LUZP2: variants seen among roughly 807,000 people sequenced by gnomAD.
LUZP2 encodes leucine zipper protein 2.
A neutral mutation model predicts 51.6 loss-of-function variants in LUZP2; 52 were observed. The observed-to-expected ratio is 1.01, with a 90% CI of 0.81 to 1.27. LUZP2 has a LOEUF of 1.27. LUZP2 is among the 50% of genes most tolerant of loss of function. The pLI is 0.00. For missense variants in LUZP2, 436 were observed against 395.4 expected, an observed-to-expected ratio of 1.10 and a Z score of -0.87; for synonymous variants, 154 against 137.3, an observed-to-expected ratio of 1.12 and a Z score of -0.85.
Position 24,723,108 on chromosome 11 carries a change from A to T in LUZP2, c.63-6061A>T, listed in dbSNP as rs1056541570. Among the ~76,000 whole-genome samples the T allele has an allele frequency of 5.9e-5, 9 of 152,302 alleles. No individual in the cohort carries two copies. The South Asian group carries it at 1.9e-3, about 32-fold the overall frequency. On this transcript the variant is annotated intron_variant, in intron 1 of 11. Coordinates refer to ENST00000336930, the MANE Select transcript of LUZP2 (RefSeq NM_001009909.4). ...GAGCATTTTATAAAGGATATATAAA[A>T]ATCACCTTTAGTAACATCCTCCCTT...
intron 1 of LUZP2, among the ~76,000 whole-genome samples, chr11:24,507,682 A>ATT (rs1850183004): frequency 6.9e-6 from 1 of 144,994 alleles, no homozygotes; most frequent in Non-Finnish European, 1.5e-5. Flanking sequence ...GAGGCAAAAA[A>ATT]ACCAAGACCT....
At chr11:24,993,548 T>C (rs11028325) in intron 9 of LUZP2, among the ~76,000 whole-genome samples, 55,674 of 151,972 alleles carry the variant, frequency 0.37, 12,558 homozygotes, top group East Asian at 0.68. Flanking sequence ...ATTAATCATA[T>C]ACACAGTTAG....
At chr11:25,075,892 G>A (rs909958790) in intron 10 of LUZP2, among the ~76,000 whole-genome samples, 10 of 151,994 alleles carry the variant, frequency 6.6e-5, no homozygotes, top group Non-Finnish European at 8.8e-5. Flanking sequence ...AGAATTTTTA[G>A]AGTTTAAAGT....
At chr11:24,632,724 T>G (rs974491111) in intron 1 of LUZP2, among the ~76,000 whole-genome samples, 6 of 152,004 alleles carry the variant, frequency 3.9e-5, no homozygotes, top group Non-Finnish European at 8.8e-5. Flanking sequence ...TACAGTGGAC[T>G]GAACTTAATC....
At chr11:24,880,614 A>AC (rs2134292152) in intron 5 of LUZP2, among the ~76,000 whole-genome samples, 1 of 152,266 alleles carries the variant, frequency 6.6e-6, no homozygotes, top group Non-Finnish European at 1.5e-5. Flanking sequence ...ACTGGCTTAC[A>AC]GGAAGAAAGT....
intron 1 of LUZP2, among the ~76,000 whole-genome samples, chr11:24,698,964 G>A (rs1026653614): frequency 6.6e-6 from 1 of 152,002 alleles, no homozygotes; most frequent in African/African-American, 2.4e-5. Flanking sequence ...AGGCTGAGAT[G>A]AGAGGATCGA....
At chr11:25,001,995 A>G (rs1856694757) in intron 9 of LUZP2, among the ~76,000 whole-genome samples, 1 of 152,216 alleles carries the variant, frequency 6.6e-6, no homozygotes. Flanking sequence ...ACTGAGTGCA[A>G]TAACTCCATG....
intron 5 of LUZP2, among the ~76,000 whole-genome samples, chr11:24,836,424 A>C (rs1366181145): frequency 6.6e-6 from 1 of 151,938 alleles, no homozygotes; most frequent in East Asian, 1.9e-4. Context: ...TGAAATTAAA[A>C]TATATCAAAT....
chr11:24,772,639 A>G (rs192727730), intron 5 of LUZP2, among the ~76,000 whole-genome samples: 5 of 152,162 alleles, frequency 3.3e-5, no homozygotes, highest in African/African-American at 7.2e-5. Context: ...TTCTAAGGCT[A>G]CTGTTAAAAA....
At chr11:24,996,045 C>T (rs1229223371) in intron 9 of LUZP2, among the ~76,000 whole-genome samples, 1 of 149,856 alleles carries the variant, frequency 6.7e-6, no homozygotes, top group Non-Finnish European at 1.5e-5. Context: ...ATTTTATTTT[C>T]TCTTTGTTAT....
At chr11:24,612,506 T>C (rs1311771371) in intron 1 of LUZP2, among the ~76,000 whole-genome samples, 1 of 152,110 alleles carries the variant, frequency 6.6e-6, no homozygotes, top group Non-Finnish European at 1.5e-5. Context: ...AAATTATGTT[T>C]ATATTGAAAG....
At chr11:24,573,249 A>T (rs1852498935) in intron 1 of LUZP2, among the ~76,000 whole-genome samples, 1 of 152,038 alleles carries the variant, frequency 6.6e-6, no homozygotes. Flanking sequence ...CCAGCACCTA[A>T]GAGTCTCAAG....
chr11:24,907,341 G>A (rs964845940), intron 6 of LUZP2, among the ~76,000 whole-genome samples: 6 of 147,992 alleles, frequency 4.1e-5, no homozygotes, highest in Non-Finnish European at 8.9e-5. Flanking sequence ...AAAATAACAT[G>A]CAATGTAACA....
chr11:24,836,281 T>G (rs1330630266), intron 5 of LUZP2, among the ~76,000 whole-genome samples: 2 of 151,764 alleles, frequency 1.3e-5, no homozygotes, highest in Non-Finnish European at 2.9e-5. Context: ...AAGTACTCAT[T>G]AAGTCATCAC....
Position 24,504,864 on chromosome 11 carries a change from G to A in LUZP2, c.62+7559G>A, listed in dbSNP as rs560226105. On this transcript the variant is annotated intron_variant, in intron 1 of 11. Transcript: ENST00000336930. The stretch of plus-strand genomic sequence containing the variant: ...CCCAATGAATGGCTTTCATGAAGAT[G>A]TGAAACATTACCCATTTCTGTGACA... Among the ~76,000 whole-genome samples, 99 of 152,266 alleles carry A rather than the reference G, an allele frequency of 6.5e-4. 2 individuals carry two copies. The highest frequency in any genetic ancestry group is 2.3e-3 in the African/African-American group (96 of 41,564).
intron 1 of LUZP2, among the ~76,000 whole-genome samples, chr11:24,602,133 TGTATATATGTATATATGTATATA>T (rs1217910405): frequency 9.4e-6 from 1 of 105,900 alleles, no homozygotes; most frequent in Non-Finnish European, 1.8e-5. Flanking sequence ...TATGTATATG[TGTATATATGTATATATGTATATA>T]TGTATATATG....
Position 24,583,883 on chromosome 11 carries a change from T to A in LUZP2, c.62+86578T>A, listed in dbSNP as rs1852963599. ...CATGACCAGCTAATTTTTTGTATTT[T>A]TTTTTTTTTTGGTAGAGACGGGGTT... is the stretch of plus-strand genomic sequence containing the variant. On this transcript the variant is annotated intron_variant, in intron 1 of 11. Transcript: ENST00000336930. Among the ~76,000 whole-genome samples, 13 of 151,270 alleles carry A rather than the reference T, an allele frequency of 8.6e-5. No homozygotes were observed. In the South Asian group the frequency reaches 2.7e-3, roughly 32 times the overall value.
intron 10 of LUZP2, among the ~76,000 whole-genome samples, chr11:25,068,957 G>A (rs993908066): frequency 6.6e-6 from 1 of 151,934 alleles, no homozygotes; most frequent in African/African-American, 2.4e-5. Context: ...CATCCTTCAT[G>A]AAGAAATCGA....
intron 1 of LUZP2, among the ~76,000 whole-genome samples, chr11:24,692,006 A>G (rs922694323): frequency 6.6e-6 from 1 of 152,050 alleles, no homozygotes; most frequent in Non-Finnish European, 1.5e-5. Context: ...CTAAAATATT[A>G]TATGTTTTCT....
Sources: gnomAD v4.1 joint callset for allele counts (sites outside exome capture counted in the v4.1 genomes callset) on GRCh38, gnomAD v4.1.1 for gene constraint, MANE v1.5 for transcripts, NCBI Gene and HGNC (gene_info 2026-07-23, HGNC 2026-07-21) for gene names.